The following DMTN variants were observed in gnomAD, a reference collection of about 807,000 sequenced individuals.
The protein encoded by DMTN is dematin.
A neutral mutation model predicts 59.4 loss-of-function variants in DMTN; 27 were observed. That is an observed-to-expected ratio of 0.45 (90% CI 0.33 to 0.63). The LOEUF is 0.63. Ranked by LOEUF, DMTN falls within the 20% of genes least tolerant of loss-of-function variation. The pLI, the probability that DMTN is intolerant of heterozygous loss-of-function variation, is 0.02. For missense variants in DMTN, 451 were observed against 528.9 expected (o/e 0.85, Z 1.45); for synonymous variants, 221 against 203.7 (o/e 1.08, Z -0.72).
At chr8:22,081,296 CT>C in intron 15 of DMTN, 53 bp from the exon 16 acceptor site, 2 of 1,599,194 alleles carry the variant, frequency 1.3e-6, no homozygotes, top group Non-Finnish European at 1.7e-6. Flanking sequence ...CCCTAGGTCA[CT>C]GGGCACAGCC....
At chr8:22,056,675 A>G (rs1802736305), upstream of DMTN, among the ~76,000 whole-genome samples, 1 of 152,170 alleles carries the variant, frequency 6.6e-6, no homozygotes, top group South Asian at 2.1e-4. Flanking sequence ...CTTGTTTGAA[A>G]TGGATTGAGC....
chr8:22,050,834 G>A (rs142890909), upstream of DMTN, among the ~76,000 whole-genome samples: 7 of 152,250 alleles, frequency 4.6e-5, no homozygotes, highest in East Asian at 9.7e-4. Flanking sequence ...ACCTCTCGGC[G>A]CCTCTGCCCA....
At position 22,070,070 on chromosome 8, in the gene DMTN, G is replaced by A. The variant is rs1475181506; in HGVS notation, c.452-112G>A. ...GCAGCACGTGTGCCCCGTGCTCAGCGTGTACACTGCTTTTACCTGCAGGAC... is the reference window on the plus strand; with the variant it reads ...GCAGCACGTGTGCCCCGTGCTCAGCATGTACACTGCTTTTACCTGCAGGAC... On this transcript the variant is annotated intron_variant, in intron 7 of 15. Coordinates refer to ENST00000358242, the MANE Select transcript of DMTN (RefSeq NM_001387751.1). The A allele has an allele frequency of 3.0e-5, 47 of 1,552,684 alleles. No individual in the cohort carries two copies. In the South Asian group the frequency reaches 4.2e-4, roughly 14 times the overall value.
upstream of DMTN, among the ~76,000 whole-genome samples, chr8:22,051,826 C>T (rs148628437): frequency 5.9e-5 from 9 of 152,312 alleles, no homozygotes; most frequent in East Asian, 1.9e-4. Context: ...CCAGTACATC[C>T]GAGTTTGCTC....
chr8:22,081,092 T>TGGGGGGGGGGGGGGC, intron 14 of DMTN, 21 bp from the exon 15 acceptor site: 2 of 1,547,314 alleles, frequency 1.3e-6, no homozygotes, highest in Non-Finnish European at 8.9e-7. Context: ...AGCCTAAGAT[T>TGGGGGGGGGGGGGGC]GCCCCTCCCC....
upstream of DMTN, among the ~76,000 whole-genome samples, chr8:22,056,683 AGCTGCAGCGCTGGTGGAAGAGCGC>A (rs1262410408): frequency 1.3e-5 from 2 of 149,118 alleles, no homozygotes; most frequent in Non-Finnish European, 2.9e-5. Context: ...AAATGGATTG[AGCTGCAGCGCTGGTGGAAGAGCGC>A]GCACATCCAC....
intron 1 of DMTN, among the ~76,000 whole-genome samples, chr8:22,065,116 G>A (rs1357041165): frequency 1.3e-5 from 2 of 152,140 alleles, no homozygotes; most frequent in African/African-American, 2.4e-5. Context: ...CTGCAGCCTC[G>A]ATATCATGGG....
At chr8:22,049,419 G>A (rs1801103044), upstream of DMTN, among the ~76,000 whole-genome samples, 1 of 151,864 alleles carries the variant, frequency 6.6e-6, no homozygotes, top group Non-Finnish European at 1.5e-5. Flanking sequence ...AGGAAGGGGC[G>A]GCCTTGCCCC....
rs1285337377 is a variant in DMTN at position 22,067,668 on chromosome 8, C to A, written c.235C>A (p.Pro79Thr). The change falls in exon 4 of 16, where the codon CCT becomes ACT. Residue 79 changes from proline to threonine, a missense_variant. Physicochemically the swap from Pro to Thr is conservative, Grantham distance 38. Coordinates refer to ENST00000358242, the MANE Select transcript of DMTN (RefSeq NM_001387751.1). ...TYSLLEHVEL[P>T]RSRERSLSPK... ...TTCCCTCCTGGAACACGTGGAGCTG[C>A]CTCGCAGCCGCGAGGTGAGGGGGCT... 3 of 1,613,854 alleles carry A rather than the reference C, an allele frequency of 1.9e-6. No individual in the cohort carries two copies. The highest frequency in any genetic ancestry group is 2.7e-5 in the African/African-American group (2 of 74,940).
At chr8:22,072,865 TG>T (rs35639553) in intron 9 of DMTN, among the ~76,000 whole-genome samples, 8,606 of 152,098 alleles carry the variant, frequency 0.057, 424 homozygotes, top group Admixed American at 0.12. Flanking sequence ...TGGAACATGT[TG>T]GGGAGCCGCT....
chr8:22,076,180 T>C (rs1453796037), intron 10 of DMTN, among the ~76,000 whole-genome samples: 2 of 152,058 alleles, frequency 1.3e-5, no homozygotes, highest in Admixed American at 6.6e-5. Flanking sequence ...AAGTGCCCCA[T>C]GTACAGCACT....
rs1824731298 is a variant in DMTN, at chr8:22,082,381, A to G, written c.*918A>G. 2.6e-6 allele frequency: 1 copy of G among 378,180 alleles called. No individual in the cohort carries two copies. Among genetic ancestry groups the G allele is most frequent in the Non-Finnish European group, 5.3e-6 (1 of 188,728 alleles). 23.4% of individuals were successfully genotyped at this position (378,180 alleles called of 1,614,324 possible). On this transcript the variant is annotated 3_prime_UTR_variant, in exon 16 of 16. Coordinates refer to ENST00000358242, the MANE Select transcript of DMTN (RefSeq NM_001387751.1). ...CCCCAGCTTGACTTCTTTCCAGTCC[A>G]CGTGTGTATATAATGATATCTATAT...
intron 8 of DMTN, among the ~76,000 whole-genome samples, chr8:22,070,758 G>GT (rs1814710190): frequency 6.6e-6 from 1 of 152,124 alleles, no homozygotes; most frequent in Non-Finnish European, 1.5e-5. Context: ...TGAAGTCAGG[G>GT]TTTTTATGAT....
chr8:22,076,932 G>C (rs1248764330), intron 10 of DMTN, among the ~76,000 whole-genome samples: 1 of 152,158 alleles, frequency 6.6e-6, no homozygotes, highest in Non-Finnish European at 1.5e-5. Context: ...CTGAGCGTTA[G>C]AGGGTGAGAC....
rs1373752281 is a variant in DMTN, at chr8:22,070,298, G to A, written c.568G>A (p.Asp190Asn). The A allele has an allele frequency of 4.3e-6, 7 of 1,613,222 alleles. No individual in the cohort carries two copies. The highest frequency in any genetic ancestry group is 1.7e-5 in the Admixed American group (1 of 59,888). ...DPNQPAKIET[D>N]YWPCPPSLAV... ...CAACCAGCCAGCCAAAATCGAAACC[G>A]ACTACTGGCCATGCCCCCCGTCTCT... The change falls in exon 8 of 16, where the codon GAC becomes AAC. Residue 190 changes from aspartate to asparagine, a missense_variant. Physicochemically the swap from Asp to Asn is conservative, Grantham distance 23. Coordinates refer to ENST00000358242, the MANE Select transcript of DMTN (RefSeq NM_001387751.1).
chr8:22,067,168 C>G lies in DMTN; in HGVS notation c.93+9C>G. 6.2e-7 allele frequency: 1 copy of G among 1,609,214 alleles called. No homozygotes were observed. Among genetic ancestry groups the G allele is most frequent in the South Asian group, 1.1e-5 (1 of 90,708 alleles). On this transcript the variant is annotated intron_variant, in intron 3 of 15. Coordinates refer to ENST00000358242, the MANE Select transcript of DMTN (RefSeq NM_001387751.1). ...CTCCCTCCAGCATCGTGGTGAGTAC[C>G]CCTCTCGGCCACCAGCAACCCCTGG...
upstream of DMTN, among the ~76,000 whole-genome samples, chr8:22,056,100 C>G (rs1020376674): frequency 6.6e-6 from 1 of 152,186 alleles, no homozygotes; most frequent in Non-Finnish European, 1.5e-5. Context: ...TTGCTAGAGA[C>G]AGGGAAGGCA....
intron 14 of DMTN, 22 bp downstream of exon 14, chr8:22,080,892 C>A: frequency 2.6e-6 from 4 of 1,546,528 alleles, no homozygotes; most frequent in Non-Finnish European, 2.6e-6. Flanking sequence ...GGGACACAAG[C>A]GCCTGTAGCG....
At chr8:22,049,607 G>T (rs1204968463), upstream of DMTN, among the ~76,000 whole-genome samples, 2 of 143,726 alleles carry the variant, frequency 1.4e-5, no homozygotes, top group East Asian at 4.1e-4. Flanking sequence ...CAGCTCTTCA[G>T]GGGGAACACC....
Sources: allele counts gnomAD v4.1 joint callset (sites outside exome capture counted in the v4.1 genomes callset), GRCh38; gene constraint gnomAD v4.1.1; transcripts MANE v1.5; gene names NCBI Gene and HGNC (gene_info 2026-07-23, HGNC 2026-07-21).